Variants in STPG2 observed in about 807,000 individuals in gnomAD.
STPG2 encodes sperm-tail PG-rich repeat-containing protein 2.
A neutral mutation model predicts 54.2 loss-of-function variants in STPG2; 56 were observed. The observed-to-expected ratio is 1.03, with a 90% CI of 0.83 to 1.29. The LOEUF (loss-of-function observed/expected upper bound fraction) is 1.29, where lower values mean the gene tolerates loss of function less well. STPG2 is among the 50% of genes most tolerant of loss of function. The probability of loss-of-function intolerance (pLI) is 0.00; values close to 1 mark genes in which losing one functional copy is unlikely to be tolerated. For missense variants in STPG2, 596 were observed against 544.9 expected (o/e 1.09, Z -0.93); for synonymous variants, 200 against 181.8 (o/e 1.10, Z -0.81).
At chr4:97,570,700 T>A (rs890920511) in intron 10 of STPG2, among the ~76,000 whole-genome samples, 12 of 152,178 alleles carry the variant, frequency 7.9e-5, no homozygotes, top group African/African-American at 2.9e-4. Flanking sequence ...CTAACCTTTA[T>A]CTACCACTTA....
chr4:98,038,038 T>C (rs1451882571), intron 5 of STPG2, among the ~76,000 whole-genome samples: 1 of 152,048 alleles, frequency 6.6e-6, no homozygotes, highest in Non-Finnish European at 1.5e-5. Flanking sequence ...TTTTGCTTTT[T>C]ATTTTTTTAA....
intron 9 of STPG2, among the ~76,000 whole-genome samples, chr4:97,775,353 C>T (rs992942778): frequency 1.3e-5 from 2 of 151,816 alleles, no homozygotes; most frequent in Admixed American, 6.6e-5. Flanking sequence ...GTGCTGCACC[C>T]GTTAACTTGT....
chr4:97,730,132 T>C (rs1284351121), intron 9 of STPG2, among the ~76,000 whole-genome samples: 4 of 152,148 alleles, frequency 2.6e-5, no homozygotes. Context: ...AGTAGGCAGT[T>C]TTTTTAACTC....
At chr4:97,594,605 C>A (rs1733232958) in intron 10 of STPG2, among the ~76,000 whole-genome samples, 1 of 152,130 alleles carries the variant, frequency 6.6e-6, no homozygotes, top group African/African-American at 2.4e-5. Context: ...ATTTCTCCAA[C>A]CTCACCGGAA....
At chr4:98,027,660 A>C (rs1578795183) in intron 5 of STPG2, among the ~76,000 whole-genome samples, 3 of 152,316 alleles carry the variant, frequency 2.0e-5, no homozygotes, top group Admixed American at 2.0e-4. Flanking sequence ...GAAATCAGCC[A>C]TCTCAAGCAA....
intron 10 of STPG2, among the ~76,000 whole-genome samples, chr4:97,691,965 T>A (rs1723379866): frequency 6.6e-6 from 1 of 151,896 alleles, no homozygotes; most frequent in Admixed American, 6.6e-5. Context: ...GAAAGCCCCA[T>A]CCCTGGGGAA....
chr4:97,464,441 T>C (rs899045100), intron 4 of STPG2, among the ~76,000 whole-genome samples: 10 of 152,052 alleles, frequency 6.6e-5, no homozygotes, highest in African/African-American at 2.4e-4. Flanking sequence ...CACCAGCAGT[T>C]CACCCAGCTC....
chr4:97,442,362 TTTTCTTTAGAG>T (rs879497508), intron 4 of STPG2, among the ~76,000 whole-genome samples: 2 of 152,124 alleles, frequency 1.3e-5, no homozygotes, highest in African/African-American at 2.4e-5. Context: ...AACTCACTCA[TTTTCTTTAGAG>T]TTGGTGTAGT....
At chr4:98,041,187 C>T (rs767286574) in intron 5 of STPG2, among the ~76,000 whole-genome samples, 6 of 151,670 alleles carry the variant, frequency 4.0e-5, no homozygotes, top group African/African-American at 7.3e-5. Flanking sequence ...TTTCATATCT[C>T]GAAACTTTAC....
chr4:98,056,754 A>G (rs1198567601), intron 5 of STPG2, among the ~76,000 whole-genome samples: 1 of 152,138 alleles, frequency 6.6e-6, no homozygotes, highest in Non-Finnish European at 1.5e-5. Context: ...TGGTTGGATC[A>G]TGGGGGCAGA....
chr4:97,537,315 T>C (rs1458125280), intron 4 of STPG2, among the ~76,000 whole-genome samples: 17 of 152,140 alleles, frequency 1.1e-4, no homozygotes, highest in Non-Finnish European at 2.9e-5. Context: ...CTGTGACAGA[T>C]GGCACCTGGA....
chr4:97,737,412 C>T (rs1409280498), intron 9 of STPG2, among the ~76,000 whole-genome samples: 4 of 152,088 alleles, frequency 2.6e-5, no homozygotes, highest in Non-Finnish European at 4.4e-5. Flanking sequence ...AAAACTACTC[C>T]GAGCTACAGG....
intron 5 of STPG2, among the ~76,000 whole-genome samples, chr4:97,986,845 C>T (rs1415965508): frequency 6.6e-6 from 1 of 152,064 alleles, no homozygotes; most frequent in Non-Finnish European, 1.5e-5. Flanking sequence ...TCACACTATG[C>T]CTATTAGACT....
At chr4:98,015,172 A>G (rs998108682) in intron 5 of STPG2, among the ~76,000 whole-genome samples, 5 of 152,212 alleles carry the variant, frequency 3.3e-5, no homozygotes, top group African/African-American at 1.2e-4. Flanking sequence ...TTAAAACACC[A>G]AAAGTAATGG....
chr4:98,088,575 C>G (rs1324762194), intron 5 of STPG2, among the ~76,000 whole-genome samples: 1 of 150,438 alleles, frequency 6.6e-6, no homozygotes, highest in Admixed American at 6.6e-5. Context: ...AATCATAAAC[C>G]TAGATCTTAT....
intron 4 of STPG2, among the ~76,000 whole-genome samples, chr4:97,511,241 G>A (rs1730965347): frequency 6.6e-6 from 1 of 151,728 alleles, no homozygotes; most frequent in South Asian, 2.1e-4. Flanking sequence ...TGAAGACACA[G>A]AAAAGTGAAA....
chr4:97,476,069 G>A (rs111728701), intron 4 of STPG2, among the ~76,000 whole-genome samples: 2,462 of 152,136 alleles, frequency 0.016, 64 homozygotes, highest in African/African-American at 0.057. Flanking sequence ...AGACATGTGG[G>A]CATTTAGTAA....
chr4:97,827,265 T>G (rs1458173838), intron 9 of STPG2, among the ~76,000 whole-genome samples: 2 of 148,624 alleles, frequency 1.3e-5, no homozygotes, highest in Non-Finnish European at 3.0e-5. Context: ...AGATGGAGTC[T>G]TGCTCTGTCA....
At chr4:97,773,037 CT>C (rs1444034162) in intron 9 of STPG2, among the ~76,000 whole-genome samples, 1 of 152,148 alleles carries the variant, frequency 6.6e-6, no homozygotes, top group Admixed American at 6.5e-5. Flanking sequence ...TCAAAAAGAG[CT>C]ATGTATTTTA....
Sources: allele counts gnomAD v4.1 joint callset (sites outside exome capture counted in the v4.1 genomes callset), GRCh38; gene constraint gnomAD v4.1.1; transcripts MANE v1.5; gene names NCBI Gene and HGNC (gene_info 2026-07-23, HGNC 2026-07-21).